The following P2RX5 variants were observed in gnomAD, a reference collection of about 807,000 sequenced individuals.
P2RX5 encodes P2X purinoceptor 5.
Under a neutral mutation model 54.1 loss-of-function variants are expected in P2RX5, and 46 were observed. The observed-to-expected ratio is 0.85, with a 90% CI of 0.67 to 1.09. The LOEUF is 1.09. Among genes scored for constraint, P2RX5 ranks in the 50% least tolerant of loss-of-function variants. The probability of loss-of-function intolerance (pLI) is 0.00; values close to 1 mark genes in which losing one functional copy is unlikely to be tolerated. For synonymous variants in P2RX5, 226 were observed against 226.4 expected (o/e 1.00, Z 0.02); for missense variants, 566 against 549.8 (o/e 1.03, Z -0.29).
chr17:3,720,028 C>T, the P2RX5 span, among the ~76,000 whole-genome samples: 1 of 151,996 alleles, frequency 6.6e-6, no homozygotes, highest in Non-Finnish European at 1.5e-5. Context: ...CGCCCAGCTG[C>T]GAAATTTTTT....
chr17:3,688,802 G>A, intron 7 of P2RX5, 43 bp from the exon 8 acceptor site: 2 of 1,608,698 alleles, frequency 1.2e-6, no homozygotes, highest in Non-Finnish European at 1.7e-6. Flanking sequence ...CAGCTTTCCG[G>A]AGACGGACAG....
the P2RX5 span, among the ~76,000 whole-genome samples, chr17:3,716,422 A>C: frequency 6.6e-6 from 1 of 152,214 alleles, no homozygotes; most frequent in Non-Finnish European, 1.5e-5. Context: ...ACCGAACATA[A>C]CAGTATTAAG....
chr17:3,697,278 C>T (rs966850870), upstream of P2RX5, among the ~76,000 whole-genome samples: 1 of 152,216 alleles, frequency 6.6e-6, no homozygotes, highest in African/African-American at 2.4e-5. Context: ...CTGATCCATG[C>T]AGCTATGACT....
In P2RX5 at chr17:3,690,982, TGGGG is replaced by T; in HGVS notation, c.330_333del (p.Pro111ThrfsTer36). ...TCAGCACAGACGTTCTGCCGCTGGTTGGGGGTCACAATCAGGTTGGTGACCACAA... is the reference window on the plus strand; with the variant it reads ...TCAGCACAGACGTTCTGCCGCTGGTTGTCACAATCAGGTTGGTGACCACAA... On this transcript the variant is annotated frameshift_variant, in exon 3 of 12. Transcript: ENST00000225328. LOFTEE classifies it high-confidence loss of function. The T allele has an allele frequency of 6.2e-7, 1 of 1,612,350 alleles. No homozygotes were observed. Among genetic ancestry groups the T allele is most frequent in the Non-Finnish European group, 8.5e-7 (1 of 1,179,396 alleles).
intron 11 of P2RX5, 71 bp from the exon 12 acceptor site, chr17:3,673,948 C>A: frequency 7.2e-7 from 1 of 1,389,136 alleles, no homozygotes. Context: ...GCAACCAGTG[C>A]CCAGGGAGAA....
chr17:3,681,911 T>C lies in P2RX5; in HGVS notation c.1049A>G (p.Lys350Arg), dbSNP rs1318934128. 6.2e-7 allele frequency: 1 copy of C among 1,613,260 alleles called. No homozygotes were observed. The highest frequency in any genetic ancestry group is 8.5e-7 in the Non-Finnish European group (1 of 1,179,250). The change falls in exon 10 of 12, where the codon AAG (lysine) becomes AGG (arginine). Residue 350 changes from lysine (K) to arginine (R), a missense_variant. By Grantham distance (26) the Lys-to-Arg change is conservative (BLOSUM62 2). Coordinates refer to ENST00000225328, the MANE Select transcript of P2RX5 (RefSeq NM_002561.4). ...IKKREFYRDK[K>R]YEEVRGLEDS... Reference sequence around the variant, plus strand: ...CGGAACTGACCTCACTTCCTCGTACTTCTTGTCACGGTAAAACTCTCTCTT... The same window carrying C: ...CGGAACTGACCTCACTTCCTCGTACCTCTTGTCACGGTAAAACTCTCTCTT...
upstream of P2RX5, among the ~76,000 whole-genome samples, chr17:3,697,528 C>T (rs2050783124): frequency 6.6e-6 from 1 of 152,118 alleles, no homozygotes; most frequent in Non-Finnish European, 1.5e-5. Context: ...GCCACAGACT[C>T]GGGGAACTGG....
At chr17:3,713,476 C>T in the P2RX5 span, among the ~76,000 whole-genome samples, 8 of 152,102 alleles carry the variant, frequency 5.3e-5, no homozygotes, top group Non-Finnish European at 1.0e-4. Flanking sequence ...CATTGCCAGG[C>T]GCGGTGGCTC....
chr17:3,692,135 T>C, intron 1 of P2RX5: 1 of 170,032 alleles, frequency 5.9e-6, no homozygotes, highest in East Asian at 1.3e-4. Context: ...AAACCCTGTC[T>C]CTACTCAAAA....
At chr17:3,719,234 T>TAAAAAAAAAAAAAAAAAAAAAAAAAAAA in the P2RX5 span, among the ~76,000 whole-genome samples, 3 of 34,834 alleles carry the variant, frequency 8.6e-5, no homozygotes, top group Admixed American at 3.4e-4. Context: ...AGATTCTTCC[T>TAAAAAAAAAAAAAAAAAAAAAAAAAAAA]CAAAAAAAAA....
At chr17:3,711,804 C>T in the P2RX5 span, among the ~76,000 whole-genome samples, 2 of 152,230 alleles carry the variant, frequency 1.3e-5, no homozygotes, top group Non-Finnish European at 2.9e-5. Flanking sequence ...AAGCGATTCT[C>T]ATGCCTCAGC....
At chr17:3,710,151 G>C in the P2RX5 span, among the ~76,000 whole-genome samples, 1 of 151,814 alleles carries the variant, frequency 6.6e-6, no homozygotes, top group African/African-American at 2.4e-5. Context: ...AGGAGGCCGG[G>C]CGTGGCGGCT....
chr17:3,689,994 A>C, intron 6 of P2RX5, 76 bp downstream of exon 6: 4 of 1,281,236 alleles, frequency 3.1e-6, no homozygotes, highest in Non-Finnish European at 4.6e-6. Flanking sequence ...CCCCAGGCAG[A>C]GACCCACGGA....
the P2RX5 span, among the ~76,000 whole-genome samples, chr17:3,702,743 A>G: frequency 6.6e-6 from 1 of 152,226 alleles, no homozygotes; most frequent in African/African-American, 2.4e-5. Flanking sequence ...CCATGGCTTC[A>G]TGCTTGAAGT....
At position 3,673,806 on chromosome 17, in the gene P2RX5, T is replaced by G; in HGVS notation, c.*62A>C. The G allele has an allele frequency of 6.2e-7, 1 of 1,612,338 alleles. No homozygotes were observed. Among genetic ancestry groups the G allele is most frequent in the South Asian group, 1.1e-5 (1 of 90,986 alleles). On this transcript the variant is annotated 3_prime_UTR_variant, in exon 12 of 12. Transcript: ENST00000225328. ...CAGCATCCTGGGATTCCCAAAGGCA[T>G]GGGATCACTGGGTGCTAGACGGCTG... is the stretch of plus-strand genomic sequence containing the variant.
At position 3,690,699 on chromosome 17, in the gene P2RX5, C is replaced by A. The variant is rs59933246; in HGVS notation, c.361-19G>T. The A allele has an allele frequency of 1.4e-4, 218 of 1,611,746 alleles. 1 individual carries two copies. In the African/African-American group the frequency reaches 2.1e-3, roughly 15 times the overall value. ...CTTCATTCTGCCAGGAGAGAAGGGG[C>A]ACCTGGATGGGGGGGTTCCCCCAGC... On this transcript the variant is annotated intron_variant, in intron 3 of 11. Coordinates refer to ENST00000225328, the MANE Select transcript of P2RX5 (RefSeq NM_002561.4).
At chr17:3,720,873 G>A in the P2RX5 span, among the ~76,000 whole-genome samples, 1 of 149,694 alleles carries the variant, frequency 6.7e-6, no homozygotes, top group Non-Finnish European at 1.5e-5. Flanking sequence ...GTGAGCTGCC[G>A]CGCCTGGCCT....
chr17:3,713,849 CT>C, the P2RX5 span, among the ~76,000 whole-genome samples: 2 of 134,104 alleles, frequency 1.5e-5, no homozygotes, highest in Non-Finnish European at 3.5e-5. Flanking sequence ...CAAACTTAAC[CT>C]GTATGTTTAA....
At chr17:3,688,394 TCGG>T (rs1348057391) in intron 8 of P2RX5, among the ~76,000 whole-genome samples, 6 of 152,146 alleles carry the variant, frequency 3.9e-5, no homozygotes, top group Non-Finnish European at 1.5e-5. Context: ...GCCGCAAGAC[TCGG>T]CTTCACGGAG....
Sources: gnomAD v4.1 joint callset for allele counts (sites outside exome capture counted in the v4.1 genomes callset) on GRCh38, gnomAD v4.1.1 for gene constraint, MANE v1.5 for transcripts, NCBI Gene and HGNC (gene_info 2026-07-23, HGNC 2026-07-21) for gene names.